The following SHROOM3 variants were observed in gnomAD, a reference collection of about 807,000 sequenced individuals.
SHROOM3 encodes the protein shroom family member 3, also known as protein Shroom3.
Under a neutral mutation model 138.6 loss-of-function variants are expected in SHROOM3, and 47 were observed. The ratio of observed to expected loss-of-function variants is 0.34; its 90% confidence interval spans 0.27 to 0.43. The LOEUF (loss-of-function observed/expected upper bound fraction) is 0.43. SHROOM3 is among the 20% of genes least tolerant of loss of function. SHROOM3 has a pLI of 1.00. For missense variants in SHROOM3, 2,491 were observed against 2,596.5 expected, an observed-to-expected ratio of 0.96 and a Z score of 0.88; for synonymous variants, 1,062 against 1,063.3, an observed-to-expected ratio of 1.00 and a Z score of 0.02.
intron 2 of SHROOM3, among the ~76,000 whole-genome samples, chr4:76,565,869 A>G (rs1344459212): frequency 6.6e-6 from 1 of 152,122 alleles, no homozygotes; most frequent in Non-Finnish European, 1.5e-5. Flanking sequence ...TAATCCCAGC[A>G]CTTTGGAAGG....
At chr4:76,605,913 TTCTCTCTCTC>T (rs1287814722) in intron 2 of SHROOM3, among the ~76,000 whole-genome samples, 1 of 141,854 alleles carries the variant, frequency 7.0e-6, no homozygotes, top group East Asian at 2.0e-4. Flanking sequence ...AGGCACAATT[TTCTCTCTCTC>T]TCTCTCTCTC....
At chr4:76,601,330 T>TGCACA (rs1413389607) in intron 2 of SHROOM3, among the ~76,000 whole-genome samples, 2 of 152,006 alleles carry the variant, frequency 1.3e-5, no homozygotes, top group Admixed American at 6.6e-5. Context: ...AATCCTGCAA[T>TGCACA]GCACAGGAAA....
At chr4:76,776,754 C>G (rs976369474) in intron 10 of SHROOM3, among the ~76,000 whole-genome samples, 4 of 152,158 alleles carry the variant, frequency 2.6e-5, no homozygotes, top group Non-Finnish European at 4.4e-5. Context: ...AGTCCTTGAT[C>G]CATCTTGAAT....
intron 1 of SHROOM3, among the ~76,000 whole-genome samples, chr4:76,534,112 C>T (rs1456095246): frequency 1.3e-5 from 2 of 152,170 alleles, no homozygotes; most frequent in African/African-American, 4.8e-5. Context: ...GCCTGGTATG[C>T]AGTAGGCATG....
At chr4:76,475,660 T>C (rs1004612208) in intron 1 of SHROOM3, among the ~76,000 whole-genome samples, 1 of 152,218 alleles carries the variant, frequency 6.6e-6, no homozygotes, top group Non-Finnish European at 1.5e-5. Flanking sequence ...GAATACATGC[T>C]TAAGGGACAT....
intron 3 of SHROOM3, among the ~76,000 whole-genome samples, chr4:76,724,520 G>C (rs1720643634): frequency 6.6e-6 from 1 of 151,948 alleles, no homozygotes. Flanking sequence ...CTTTTCAATA[G>C]GTAATACATG....
At chr4:76,658,622 A>G (rs1298494155) in intron 2 of SHROOM3, among the ~76,000 whole-genome samples, 3 of 152,094 alleles carry the variant, frequency 2.0e-5, no homozygotes, top group Admixed American at 1.3e-4. Context: ...ATGTTACATC[A>G]AGCATTCCTG....
chr4:76,639,210 G>A (rs1735590305), intron 2 of SHROOM3, among the ~76,000 whole-genome samples: 1 of 152,138 alleles, frequency 6.6e-6, no homozygotes, highest in African/African-American at 2.4e-5. Flanking sequence ...CACTTACTGA[G>A]TACCTAATAA....
At chr4:76,454,444 C>G (rs1008614736) in intron 1 of SHROOM3, among the ~76,000 whole-genome samples, 1 of 152,154 alleles carries the variant, frequency 6.6e-6, no homozygotes, top group South Asian at 2.1e-4. Flanking sequence ...GATCTTGGCA[C>G]TCTTGTAGAA....
chr4:76,633,006 G>A (rs1038517989), intron 2 of SHROOM3, among the ~76,000 whole-genome samples: 1 of 152,192 alleles, frequency 6.6e-6, no homozygotes, highest in African/African-American at 2.4e-5. Context: ...TCCTCAGGAG[G>A]TAGGAGCTGT....
chr4:76,479,446 G>A (rs955001913), intron 1 of SHROOM3, among the ~76,000 whole-genome samples: 1 of 151,950 alleles, frequency 6.6e-6, no homozygotes, highest in South Asian at 2.1e-4. Context: ...AGAATGAAAA[G>A]GAATGAACAA....
chr4:76,630,229 G>T (rs1735274784), intron 2 of SHROOM3, among the ~76,000 whole-genome samples: 1 of 152,338 alleles, frequency 6.6e-6, no homozygotes, highest in East Asian at 1.9e-4. Context: ...GCTCAGAGGA[G>T]TTAAATGACT....
intron 1 of SHROOM3, among the ~76,000 whole-genome samples, chr4:76,524,836 C>A (rs1579212092): frequency 6.6e-6 from 1 of 152,136 alleles, no homozygotes; most frequent in African/African-American, 2.4e-5. Flanking sequence ...CGGTAACACA[C>A]AAGGCTGATG....
Position 76,759,497 on chromosome 4 carries a change from C to T in SHROOM3, c.5199-48C>T, listed in dbSNP as rs371657518. On this transcript the variant is annotated intron_variant, in intron 8 of 10. Coordinates refer to ENST00000296043, the MANE Select transcript of SHROOM3 (RefSeq NM_020859.4). ...GACTGACATCTGCAGTGAAACAAAG[C>T]CTCTGGCGTGATCTGTGTGGCTATA... 3.3e-5 allele frequency: 54 copies of T among 1,612,490 alleles called. No individual in the cohort carries two copies. In the African/African-American group the frequency reaches 4.8e-4, roughly 14 times the overall value.
intron 2 of SHROOM3, among the ~76,000 whole-genome samples, chr4:76,562,302 C>T (rs1390307757): frequency 2.0e-5 from 3 of 152,078 alleles, no homozygotes; most frequent in Non-Finnish European, 2.9e-5. Flanking sequence ...CCGAATTCAC[C>T]GTCCCATGTT....
intron 1 of SHROOM3, among the ~76,000 whole-genome samples, chr4:76,462,092 T>C (rs1432127509): frequency 2.0e-5 from 3 of 152,268 alleles, no homozygotes; most frequent in South Asian, 2.1e-4. Context: ...AATTAGATCA[T>C]TTTTAAAGCA....
rs1360578075 is a variant in SHROOM3 at position 76,780,569 on chromosome 4, C to T, written c.*1392C>T. On this transcript the variant is annotated 3_prime_UTR_variant, in exon 11 of 11. Transcript: ENST00000296043. ...AAAAAAATGACAAGGGAACCAAATGCTCCTTCTCCCCTTAGTACATTTTCA... is the reference window on the plus strand; with the variant it reads ...AAAAAAATGACAAGGGAACCAAATGTTCCTTCTCCCCTTAGTACATTTTCA... 2 of 151,714 alleles carry T rather than the reference C, an allele frequency of 1.3e-5. No individual in the cohort carries two copies. The highest frequency in any genetic ancestry group is 2.9e-5 in the Non-Finnish European group (2 of 67,948). 9.4% of individuals were successfully genotyped at this position (151,714 alleles called of 1,614,324 possible).
At chr4:76,573,439 T>C (rs1481335408) in intron 2 of SHROOM3, 1 of 151,374 alleles carries the variant, frequency 6.6e-6, no homozygotes, top group Non-Finnish European at 1.5e-5. Context: ...TTTTTATTCC[T>C]GGCCAAGTTA....
At chr4:76,518,431 A>G (rs1422606925) in intron 1 of SHROOM3, among the ~76,000 whole-genome samples, 2 of 152,046 alleles carry the variant, frequency 1.3e-5, no homozygotes, top group African/African-American at 4.8e-5. Context: ...TCATTAATGG[A>G]CAGGGTTTTA....
Sources: allele counts gnomAD v4.1 joint callset (sites outside exome capture counted in the v4.1 genomes callset), GRCh38; gene constraint gnomAD v4.1.1; transcripts MANE v1.5; gene names NCBI Gene and HGNC (gene_info 2026-07-23, HGNC 2026-07-21).